CCDC60: variants seen among roughly 807,000 people sequenced by gnomAD.
CCDC60 encodes the protein coiled-coil domain containing 60.
A neutral mutation model predicts 63.5 loss-of-function variants in CCDC60; 54 were observed. That is an observed-to-expected ratio of 0.85 (90% CI 0.68 to 1.07). The LOEUF (loss-of-function observed/expected upper bound fraction) is 1.07. CCDC60 is among the 50% of genes least tolerant of loss of function. The pLI is 0.00. For missense variants in CCDC60, 651 were observed against 684.3 expected, an observed-to-expected ratio of 0.95 and a Z score of 0.54; for synonymous variants, 206 against 238.8, an observed-to-expected ratio of 0.86 and a Z score of 1.27.
At chr12:119,413,533 TG>T (rs1234751456) in intron 1 of CCDC60, among the ~76,000 whole-genome samples, 8 of 152,180 alleles carry the variant, frequency 5.3e-5, no homozygotes, top group Non-Finnish European at 1.2e-4. Context: ...CAGGTACTCC[TG>T]GTATAGTGAG....
Position 119,473,603 on chromosome 12 carries a change from T to C in CCDC60, c.341+1439T>C, listed in dbSNP as rs1951112192. ...ATGTGCAGTCTTTTATCCCTCACCC[T>C]CCTCCCACCCTTCCCCCAGGAGTCC... On this transcript the variant is annotated intron_variant, in intron 3 of 13. Coordinates refer to ENST00000327554, the MANE Select transcript of CCDC60 (RefSeq NM_178499.5). 2.0e-5 allele frequency among the ~76,000 whole-genome samples: 3 copies of C among 152,178 alleles called. No individual in the cohort carries two copies. The South Asian group carries it at 6.2e-4, about 32-fold the overall frequency.
chr12:119,455,158 T>A (rs1258757300), intron 2 of CCDC60, among the ~76,000 whole-genome samples: 1 of 152,222 alleles, frequency 6.6e-6, no homozygotes, highest in Non-Finnish European at 1.5e-5. Flanking sequence ...TGGTTGTTAA[T>A]CTAGGCATAT....
At chr12:119,531,409 C>G (rs1413932570) in intron 13 of CCDC60, among the ~76,000 whole-genome samples, 1 of 152,178 alleles carries the variant, frequency 6.6e-6, no homozygotes, top group Non-Finnish European at 1.5e-5. Context: ...TTGCAGGTTT[C>G]AAGTCAATCT....
chr12:119,396,673 A>G (rs1236261447), intron 1 of CCDC60, among the ~76,000 whole-genome samples: 1 of 152,192 alleles, frequency 6.6e-6, no homozygotes, highest in East Asian at 1.9e-4. Flanking sequence ...TGAGGTCAAG[A>G]GTTCAAGACC....
At chr12:119,464,474 G>A (rs190752844) in intron 2 of CCDC60, among the ~76,000 whole-genome samples, 9 of 147,508 alleles carry the variant, frequency 6.1e-5, no homozygotes, top group African/African-American at 2.0e-4. Flanking sequence ...TCAAACAAAA[G>A]TCTTAAGTAG....
chr12:119,501,558 G>A (rs550881904), intron 6 of CCDC60, among the ~76,000 whole-genome samples: 1 of 152,224 alleles, frequency 6.6e-6, no homozygotes, highest in African/African-American at 2.4e-5. Context: ...GATTATAGTT[G>A]CCCCTCATGA....
At chr12:119,398,325 G>A (rs1031093701) in intron 1 of CCDC60, among the ~76,000 whole-genome samples, 10 of 152,192 alleles carry the variant, frequency 6.6e-5, no homozygotes, top group South Asian at 2.1e-4. Flanking sequence ...CCGGCCAGCC[G>A]CTCCTAGTGC....
At chr12:119,368,236 G>A (rs913856832) in intron 1 of CCDC60, among the ~76,000 whole-genome samples, 1 of 118,130 alleles carries the variant, frequency 8.5e-6, no homozygotes, top group Non-Finnish European at 1.6e-5. Flanking sequence ...AGGAGGAGGA[G>A]GGGGAGGAGA....
chr12:119,406,422 CAT>C (rs1565991574), intron 1 of CCDC60, among the ~76,000 whole-genome samples: 1 of 152,116 alleles, frequency 6.6e-6, no homozygotes, highest in Admixed American at 6.5e-5. Context: ...AAAATCAACA[CAT>C]ATTGAAGTTT....
At chr12:119,374,678 C>T (rs1030984934) in intron 1 of CCDC60, among the ~76,000 whole-genome samples, 7 of 142,950 alleles carry the variant, frequency 4.9e-5, no homozygotes, top group Non-Finnish European at 9.7e-5. Context: ...ACTCCATAGG[C>T]AGAGCAGTGG....
At chr12:119,388,388 T>C (rs576803507) in intron 1 of CCDC60, 1 of 152,292 alleles carries the variant, frequency 6.6e-6, no homozygotes, top group East Asian at 1.9e-4. Flanking sequence ...TCCAGAAAAT[T>C]TGTACCAAAT....
At chr12:119,524,516 T>C (rs1952626645) in intron 11 of CCDC60, 1 of 894,714 alleles carries the variant, frequency 1.1e-6, no homozygotes. Context: ...GGGGCTAGGG[T>C]TGGAGAAGAC....
intron 2 of CCDC60, among the ~76,000 whole-genome samples, chr12:119,430,557 C>T (rs955673785): frequency 6.6e-6 from 1 of 151,618 alleles, no homozygotes; most frequent in African/African-American, 2.4e-5. Context: ...GTCCCAGCTA[C>T]TCGGGAGGCT....
At chr12:119,504,488 G>A (rs1156952673) in intron 6 of CCDC60, among the ~76,000 whole-genome samples, 1 of 152,074 alleles carries the variant, frequency 6.6e-6, no homozygotes, top group East Asian at 1.9e-4. Context: ...GAATGCCACT[G>A]CACCAGACAA....
chr12:119,397,434 T>C (rs1956278727), intron 1 of CCDC60, among the ~76,000 whole-genome samples: 1 of 151,962 alleles, frequency 6.6e-6, no homozygotes, highest in African/African-American at 2.4e-5. Flanking sequence ...TTACAATCCC[T>C]GAGTTAGACA....
intron 5 of CCDC60, among the ~76,000 whole-genome samples, chr12:119,491,986 T>C (rs1951599817): frequency 6.6e-6 from 1 of 152,160 alleles, no homozygotes; most frequent in African/African-American, 2.4e-5. Context: ...AAAGACGTAG[T>C]GGTCACATTG....
intron 2 of CCDC60, 31 bp downstream of exon 2, chr12:119,428,793 G>A (rs758382124): frequency 1.4e-6 from 2 of 1,465,970 alleles, no homozygotes. Context: ...ATGATCCATA[G>A]ACAACCCAAC....
At chr12:119,476,002 CAA>C (rs1415036991) in intron 3 of CCDC60, among the ~76,000 whole-genome samples, 2 of 152,096 alleles carry the variant, frequency 1.3e-5, no homozygotes, top group Non-Finnish European at 2.9e-5. Context: ...ATAAAAAATA[CAA>C]GTTTCATTTA....
At chr12:119,361,491 A>C (rs533132015) in intron 1 of CCDC60, among the ~76,000 whole-genome samples, 2 of 152,278 alleles carry the variant, frequency 1.3e-5, no homozygotes, top group South Asian at 2.1e-4. Flanking sequence ...TCCAGGTTTA[A>C]ATTCTTCTGG....
Sources: gnomAD v4.1 joint callset for allele counts (sites outside exome capture counted in the v4.1 genomes callset) on GRCh38, gnomAD v4.1.1 for gene constraint, MANE v1.5 for transcripts, NCBI Gene and HGNC (gene_info 2026-07-23, HGNC 2026-07-21) for gene names.